The following ADCY2 variants were observed in gnomAD, a reference collection of about 807,000 sequenced individuals.
ADCY2 encodes the protein adenylate cyclase 2.
ADCY2 carries 31 observed loss-of-function variants against 125.2 expected under a neutral mutation model. The ratio of observed to expected loss-of-function variants is 0.25; its 90% confidence interval spans 0.19 to 0.33. The LOEUF (loss-of-function observed/expected upper bound fraction) is 0.33, where lower values mean the gene tolerates loss of function less well. Ranked by LOEUF, ADCY2 falls within the 10% of genes least tolerant of loss-of-function variation. ADCY2 has a pLI of 1.00. For synonymous variants in ADCY2, 512 were observed against 548.4 expected (o/e 0.93, Z 0.93); for missense variants, 904 against 1,418.2 (o/e 0.64, Z 5.82).
chr5:7,576,013 G>T (rs541037283), intron 3 of ADCY2, among the ~76,000 whole-genome samples: 1 of 152,286 alleles, frequency 6.6e-6, no homozygotes, highest in Middle Eastern at 3.4e-3. Context: ...AACAAGGAAG[G>T]ATTATTTAGA....
intron 4 of ADCY2, among the ~76,000 whole-genome samples, chr5:7,650,837 G>A (rs538444198): frequency 1.6e-4 from 25 of 152,306 alleles, no homozygotes; most frequent in South Asian, 8.3e-4. Context: ...TGAGCAAGGC[G>A]GGATGGCTTC....
At chr5:7,457,645 TA>T (rs1490795694) in intron 2 of ADCY2, among the ~76,000 whole-genome samples, 1 of 152,168 alleles carries the variant, frequency 6.6e-6, no homozygotes, top group African/African-American at 2.4e-5. Context: ...AGGGAGGGGA[TA>T]ACGTTTTTGC....
intron 3 of ADCY2, among the ~76,000 whole-genome samples, chr5:7,545,771 C>T (rs1374881285): frequency 6.6e-6 from 1 of 152,076 alleles, no homozygotes; most frequent in Non-Finnish European, 1.5e-5. Context: ...GATAAACAGC[C>T]CTTTTGCTTC....
rs576744280 is a variant in ADCY2 at position 7,757,320 on chromosome 5, G to C, written c.1957-129G>C. 5.0e-6 allele frequency: 6 copies of C among 1,198,798 alleles called. No individual in the cohort carries two copies. The Admixed American group carries it at 1.4e-4, about 28-fold the overall frequency. 74.3% of individuals were successfully genotyped at this position (1,198,798 alleles called of 1,614,324 possible). Reference sequence around the variant, plus strand: ...TGACTTCGTATGGGTCCCCAGGGGAGGATAGAATCTACATGTTTAGTCTAT... The same window carrying C: ...TGACTTCGTATGGGTCCCCAGGGGACGATAGAATCTACATGTTTAGTCTAT... On this transcript the variant is annotated intron_variant, in intron 15 of 24. Transcript: ENST00000338316.
At chr5:7,519,558 A>G (rs1744369610) in intron 2 of ADCY2, among the ~76,000 whole-genome samples, 1 of 152,146 alleles carries the variant, frequency 6.6e-6, no homozygotes, top group Non-Finnish European at 1.5e-5. Flanking sequence ...ATGTTCTTCT[A>G]TCTCTGCTCC....
At chr5:7,671,893 G>T (rs1739948606) in intron 4 of ADCY2, among the ~76,000 whole-genome samples, 1 of 152,168 alleles carries the variant, frequency 6.6e-6, no homozygotes, top group African/African-American at 2.4e-5. Flanking sequence ...TCATTTTCAG[G>T]TGAGGAAAAT....
intron 6 of ADCY2, among the ~76,000 whole-genome samples, 182 bp from the exon 7 acceptor site, chr5:7,698,065 G>T (rs969564938): frequency 2.6e-5 from 4 of 152,044 alleles, no homozygotes; most frequent in Non-Finnish European, 5.9e-5. Flanking sequence ...TTGGAAATCG[G>T]CATGTAGGGG....
At chr5:7,812,543 C>T (rs145594057) in intron 22 of ADCY2, among the ~76,000 whole-genome samples, 1 of 152,292 alleles carries the variant, frequency 6.6e-6, no homozygotes, top group Non-Finnish European at 1.5e-5. Context: ...GAGACTAAGA[C>T]CCAAGACCCA....
chr5:7,681,383 T>C (rs1561163861), intron 4 of ADCY2, among the ~76,000 whole-genome samples: 1 of 152,182 alleles, frequency 6.6e-6, no homozygotes, highest in Non-Finnish European at 1.5e-5. Flanking sequence ...CTTTGGAGGC[T>C]TTTCTGTGGG....
At chr5:7,634,382 G>A (rs1738424049) in intron 4 of ADCY2, among the ~76,000 whole-genome samples, 1 of 152,122 alleles carries the variant, frequency 6.6e-6, no homozygotes, top group South Asian at 2.1e-4. Flanking sequence ...TACTTTTAGG[G>A]TTATCTGAGT....
At chr5:7,483,481 C>T (rs1466683103) in intron 2 of ADCY2, among the ~76,000 whole-genome samples, 2 of 151,918 alleles carry the variant, frequency 1.3e-5, no homozygotes, top group Non-Finnish European at 2.9e-5. Flanking sequence ...AACCAGAGTA[C>T]TGAAAACATT....
intron 3 of ADCY2, among the ~76,000 whole-genome samples, chr5:7,607,985 G>A (rs1302550192): frequency 1.3e-5 from 2 of 152,156 alleles, no homozygotes; most frequent in African/African-American, 4.8e-5. Flanking sequence ...TGAAGGAGTG[G>A]CCTTCAGCCT....
intron 17 of ADCY2, among the ~76,000 whole-genome samples, chr5:7,769,355 A>G (rs528637205): frequency 6.6e-6 from 1 of 152,236 alleles, no homozygotes; most frequent in Non-Finnish European, 1.5e-5. Flanking sequence ...TTGTAAAAAA[A>G]TTAATGACAT....
At chr5:7,482,330 G>C (rs1420656089) in intron 2 of ADCY2, among the ~76,000 whole-genome samples, 1 of 152,016 alleles carries the variant, frequency 6.6e-6, no homozygotes, top group African/African-American at 2.4e-5. Flanking sequence ...TTGTATTCTG[G>C]ATATTAGTCC....
At chr5:7,603,272 A>C (rs1233865514) in intron 3 of ADCY2, among the ~76,000 whole-genome samples, 2 of 152,124 alleles carry the variant, frequency 1.3e-5, no homozygotes, top group Non-Finnish European at 2.9e-5. Context: ...GGAGGTAGCC[A>C]GGTAGAAGGG....
chr5:7,512,265 AGAG>A (rs1561066931), intron 2 of ADCY2, among the ~76,000 whole-genome samples: 1 of 148,442 alleles, frequency 6.7e-6, no homozygotes, highest in African/African-American at 2.5e-5. Flanking sequence ...GGCTATAAAC[AGAG>A]GAGGATTACT....
At chr5:7,618,230 C>G (rs1018916454) in intron 3 of ADCY2, among the ~76,000 whole-genome samples, 1 of 152,166 alleles carries the variant, frequency 6.6e-6, no homozygotes, top group African/African-American at 2.4e-5. Flanking sequence ...TGTCTTCTTA[C>G]GTTTGATGTC....
At position 7,717,251 on chromosome 5, in the gene ADCY2, T is replaced by C. The variant is rs369812557; in HGVS notation, c.1703+14T>C. Reference sequence around the variant, plus strand: ...TAATGCACAGAAGTGAGTACTTCTTTCTCTTAAATTATCTTTCATCTTTTA... The same window carrying C: ...TAATGCACAGAAGTGAGTACTTCTTCCTCTTAAATTATCTTTCATCTTTTA... On this transcript the variant is annotated intron_variant, in intron 12 of 24. Transcript: ENST00000338316. The C allele has an allele frequency of 6.2e-5, 96 of 1,550,332 alleles. No homozygotes were observed. The African/African-American group carries it at 1.1e-3, about 18-fold the overall frequency.
chr5:7,796,011 T>C (rs1381801701), intron 20 of ADCY2: 2 of 152,148 alleles, frequency 1.3e-5, no homozygotes, highest in Non-Finnish European at 2.9e-5. Flanking sequence ...TTGTGAAAGA[T>C]GCAATATCTG....
Sources: allele counts gnomAD v4.1 joint callset (sites outside exome capture counted in the v4.1 genomes callset), GRCh38; gene constraint gnomAD v4.1.1; transcripts MANE v1.5; gene names NCBI Gene and HGNC (gene_info 2026-07-23, HGNC 2026-07-21).